Variants in SHROOM2 observed in about 807,000 individuals in gnomAD.
SHROOM2 encodes the protein shroom family member 2.
A neutral mutation model predicts 75.9 loss-of-function variants in SHROOM2; 33 were observed. The observed-to-expected ratio is 0.43, with a 90% CI of 0.33 to 0.58. The LOEUF is 0.58. Ranked by LOEUF, SHROOM2 falls within the 20% of genes least tolerant of loss-of-function variation. The pLI is 0.04. For synonymous variants in SHROOM2, 655 were observed against 663.6 expected, an observed-to-expected ratio of 0.99 and a Z score of 0.20; for missense variants, 1,434 against 1,461.2, an observed-to-expected ratio of 0.98 and a Z score of 0.30.
intron 3 of SHROOM2, among the ~76,000 whole-genome samples, chrX:9,893,718 G>A (rs994708512): frequency 9.0e-6 from 1 of 110,640 alleles, no homozygotes; most frequent in Non-Finnish European, 1.9e-5. Flanking sequence ...TTGGGAGGCC[G>A]AGGCAGGCAG....
At chrX:9,926,260 C>T (rs1409534178) in intron 5 of SHROOM2, among the ~76,000 whole-genome samples, 1 of 112,010 alleles carries the variant, frequency 8.9e-6, no homozygotes, top group Non-Finnish European at 1.9e-5. Flanking sequence ...TGTGTCTGCC[C>T]GGGGAAACCT....
chrX:9,850,276 T>G (rs147900917), intron 1 of SHROOM2, among the ~76,000 whole-genome samples: 1,202 of 112,487 alleles, frequency 0.011, 9 homozygotes, highest in Non-Finnish European at 0.018. Flanking sequence ...TGCTACAAGC[T>G]GTCATTTTCT....
chrX:9,908,840 G>A (rs900887635), intron 5 of SHROOM2, among the ~76,000 whole-genome samples: 1 of 110,115 alleles, frequency 9.1e-6, no homozygotes, highest in Non-Finnish European at 1.9e-5. Context: ...AGTTATTTGG[G>A]AGGCTGGATT....
intron 8 of SHROOM2, among the ~76,000 whole-genome samples, chrX:9,940,068 C>A (rs901103559): frequency 3.6e-5 from 4 of 112,544 alleles, no homozygotes; most frequent in Non-Finnish European, 5.6e-5. Context: ...GCGTGAGCCA[C>A]TGCTTCCGGG....
At chrX:9,894,212 ACCTCAG>A in intron 3 of SHROOM2, 140 bp from the exon 4 acceptor site, 1 of 525,411 alleles carries the variant, frequency 1.9e-6, no homozygotes, top group Non-Finnish European at 3.1e-6. Context: ...CTGAGCTGCA[ACCTCAG>A]CCTCAGCAAC....
At chrX:9,923,841 T>C in intron 5 of SHROOM2, among the ~76,000 whole-genome samples, 1 of 112,438 alleles carries the variant, frequency 8.9e-6, no homozygotes, top group Non-Finnish European at 1.9e-5. Flanking sequence ...ATTTGGATCA[T>C]CTGTGCTTTG....
At chrX:9,880,428 A>G (rs1256114178) in intron 2 of SHROOM2, among the ~76,000 whole-genome samples, 1 of 113,484 alleles carries the variant, frequency 8.8e-6, no homozygotes, top group African/African-American at 3.2e-5. Flanking sequence ...ACGCTGTGGC[A>G]TGCTCTGCCC....
intron 1 of SHROOM2, among the ~76,000 whole-genome samples, chrX:9,852,541 A>G (rs2084046483): frequency 8.9e-6 from 1 of 112,200 alleles, no homozygotes; most frequent in Admixed American, 9.4e-5. Flanking sequence ...TTGGCCTCCC[A>G]AAGTGCTGGG....
chrX:9,891,142 T>G lies in SHROOM2; in HGVS notation c.449+34T>G, dbSNP rs761679536. ...CCATTCCCGTCCAGGATGCCAGGTT[T>G]GTTCAGCCTTCTGCAGGGAGCGCAC... On this transcript the variant is annotated intron_variant, in intron 3 of 9. Coordinates refer to ENST00000380913, the MANE Select transcript of SHROOM2 (RefSeq NM_001649.4). 8.4e-6 allele frequency: 10 copies of G among 1,187,208 alleles called. No homozygotes were observed. In the South Asian group the frequency reaches 1.7e-4, roughly 20 times the overall value.
Position 9,894,455 on chromosome X carries a change from C to A in SHROOM2, c.547C>A (p.His183Asn). The A allele has an allele frequency of 8.3e-7, 1 of 1,211,429 alleles. No individual in the cohort carries two copies. Among genetic ancestry groups the A allele is most frequent in the Non-Finnish European group, 1.1e-6 (1 of 895,397 alleles). ...CTTGGGGAGCGTTGACAGCCTGGAC[C>A]ACCCCTCCAGTCGCCTCTCGGTGGC... is the stretch of plus-strand genomic sequence containing the variant. ...SSLGSVDSLD[H>N]PSSRLSVAKS... The change falls in exon 4 of 10, where the codon CAC (histidine) becomes AAC (asparagine). Residue 183 changes from histidine (H) to asparagine (N), a missense_variant. His to Asn is a moderately conservative substitution (Grantham distance 68). Transcript: ENST00000380913.
At chrX:9,793,049 A>G (rs2083675756) in intron 1 of SHROOM2, among the ~76,000 whole-genome samples, 1 of 111,186 alleles carries the variant, frequency 9.0e-6, no homozygotes, top group African/African-American at 3.3e-5. Flanking sequence ...TTATTTTATC[A>G]AAGTGGCTCT....
intron 5 of SHROOM2, among the ~76,000 whole-genome samples, chrX:9,908,493 T>G (rs1305301780): frequency 8.9e-6 from 1 of 112,293 alleles, no homozygotes; most frequent in Non-Finnish European, 1.9e-5. Context: ...GATTTTAAAG[T>G]CTTAATAGTA....
intron 2 of SHROOM2, among the ~76,000 whole-genome samples, chrX:9,877,442 CT>C (rs1244198440): frequency 1.8e-5 from 2 of 111,521 alleles, no homozygotes; most frequent in Non-Finnish European, 3.8e-5. Flanking sequence ...GGCAGTTTTG[CT>C]TTTCTCTTTC....
In SHROOM2 at chrX:9,939,356, C is replaced by T. The variant is rs1602025657; in HGVS notation, c.4301C>T (p.Ser1434Leu). Residue 1434 changes from serine (S) to leucine (L), a missense_variant, in exon 8 of 10, where the codon TCG becomes TTG. Coordinates refer to ENST00000380913, the MANE Select transcript of SHROOM2 (RefSeq NM_001649.4). ...DSGSDLDHDL[S>L]VKKQELIESI... Reference sequence around the variant, plus strand: ...GGAAGCGACTTGGACCACGACCTGTCGGTGAAGAAGGTAGGAGAGTCCATT... The same window carrying T: ...GGAAGCGACTTGGACCACGACCTGTTGGTGAAGAAGGTAGGAGAGTCCATT... The T allele has an allele frequency of 1.7e-6, 2 of 1,203,880 alleles. No individual in the cohort carries two copies. The highest frequency in any genetic ancestry group is 2.2e-6 in the Non-Finnish European group (2 of 891,547).
intron 1 of SHROOM2, among the ~76,000 whole-genome samples, chrX:9,787,869 CTT>C (rs1316642430): frequency 4.5e-5 from 5 of 111,554 alleles, no homozygotes; most frequent in African/African-American, 1.6e-4. Context: ...AATGTGTAAT[CTT>C]TTATCACACT....
chrX:9,847,092 C>T lies in SHROOM2; in HGVS notation c.166-26560C>T, dbSNP rs184485186. ...CTTTAGCCATTGTTATTATTCCGTGCTTGTCTTGGTGTTAGCTCAGTATCC... is the reference window on the plus strand; with the variant it reads ...CTTTAGCCATTGTTATTATTCCGTGTTTGTCTTGGTGTTAGCTCAGTATCC... On this transcript the variant is annotated intron_variant, in intron 1 of 9. Transcript: ENST00000380913. Among the ~76,000 whole-genome samples, 191 of 112,503 alleles carry T rather than the reference C, an allele frequency of 1.7e-3. 1 individual carries two copies. The highest frequency in any genetic ancestry group is 5.9e-3 in the African/African-American group (184 of 31,005).
In SHROOM2 at chrX:9,934,264, A is replaced by G. The variant is rs193212734; in HGVS notation, c.3587+1394A>G. Among the ~76,000 whole-genome samples, 240 of 111,915 alleles carry G rather than the reference A, an allele frequency of 2.1e-3. 2 individuals are homozygous for G. The highest frequency in any genetic ancestry group is 4.2e-3 in the Non-Finnish European group (225 of 53,130). ...GACAGGACAGATAACAGGTATTCCC[A>G]TCGCCGCAGAAAATTCTGTGGGACC... On this transcript the variant is annotated intron_variant, in intron 6 of 9. Transcript: ENST00000380913.
rs1256578231 is a variant in SHROOM2 at position 9,939,443 on chromosome X, CA to C, written c.4311+78del. 6.6e-6 allele frequency: 6 copies of C among 908,105 alleles called. No individual in the cohort carries two copies. In the African/African-American group the frequency reaches 1.1e-4, roughly 17 times the overall value. 74.8% of individuals were successfully genotyped at this position (908,105 alleles called of 1,213,427 possible). ...GCATCCGGATCACACCATCCTGCCC[CA>C]GCGCAGACCCTGCACCACGTGTCCC... On this transcript the variant is annotated intron_variant, in intron 8 of 9. Coordinates refer to ENST00000380913, the MANE Select transcript of SHROOM2 (RefSeq NM_001649.4).
chrX:9,853,430 TA>T (rs2084051004), intron 1 of SHROOM2, among the ~76,000 whole-genome samples: 1 of 112,486 alleles, frequency 8.9e-6, no homozygotes, highest in Non-Finnish European at 1.9e-5. Context: ...TGTCTCATAG[TA>T]AAGAGGCCTG....
Sources: gnomAD v4.1 joint callset for allele counts (sites outside exome capture counted in the v4.1 genomes callset) on GRCh38, gnomAD v4.1.1 for gene constraint, MANE v1.5 for transcripts, NCBI Gene and HGNC (gene_info 2026-07-23, HGNC 2026-07-21) for gene names.